MALRD1: variants seen among roughly 807,000 people sequenced by gnomAD.
MALRD1 encodes MAM and LDL receptor class A domain containing 1.
MALRD1 carries 247 observed loss-of-function variants against 242.1 expected under a neutral mutation model. The ratio of observed to expected loss-of-function variants is 1.02; its 90% confidence interval spans 0.92 to 1.13. The LOEUF is 1.13. Among genes scored for constraint, MALRD1 ranks in the 50% most tolerant of loss-of-function variants. The pLI, the probability that MALRD1 is intolerant of heterozygous loss-of-function variation, is 0.00. For missense variants in MALRD1, 2,989 were observed against 2,533.1 expected (o/e 1.18, Z -3.86); for synonymous variants, 995 against 866.6 (o/e 1.15, Z -2.60).
At chr10:19,198,440 C>T (rs1410492289) in intron 14 of MALRD1, among the ~76,000 whole-genome samples, 1 of 152,172 alleles carries the variant, frequency 6.6e-6, no homozygotes, top group African/African-American at 2.4e-5. Context: ...TTATGATGGG[C>T]TGCAAATAAA....
At chr10:19,273,925 A>C (rs1412964965) in intron 19 of MALRD1, among the ~76,000 whole-genome samples, 2 of 152,200 alleles carry the variant, frequency 1.3e-5, no homozygotes, top group East Asian at 1.9e-4. Context: ...TCAAAACCAC[A>C]ATGAGACATC....
intron 36 of MALRD1, among the ~76,000 whole-genome samples, chr10:19,634,420 CTT>C (rs1840037907): frequency 6.6e-6 from 1 of 152,024 alleles, no homozygotes; most frequent in African/African-American, 2.4e-5. Context: ...ATTTTTGTGA[CTT>C]AGAGTGCCCA....
chr10:19,153,749 C>T (rs895112509), intron 11 of MALRD1, among the ~76,000 whole-genome samples: 1 of 151,422 alleles, frequency 6.6e-6, no homozygotes, highest in East Asian at 1.9e-4. Flanking sequence ...GTACATATCT[C>T]GCTAGATTTT....
At chr10:19,595,533 A>T in intron 34 of MALRD1, 76 bp downstream of exon 34, 1 of 1,439,842 alleles carries the variant, frequency 6.9e-7, no homozygotes, top group Non-Finnish European at 9.3e-7. Flanking sequence ...TCGACAGATA[A>T]AATGAAGTTC....
intron 36 of MALRD1, among the ~76,000 whole-genome samples, chr10:19,675,132 T>C (rs1449230789): frequency 1.3e-5 from 2 of 152,182 alleles, no homozygotes; most frequent in South Asian, 2.1e-4. Flanking sequence ...TGAAATGTGC[T>C]TCCTTCCTAC....
At chr10:19,352,342 A>G in intron 26 of MALRD1, 45 bp downstream of exon 26, 1 of 1,497,912 alleles carries the variant, frequency 6.7e-7, no homozygotes, top group Non-Finnish European at 9.0e-7. Flanking sequence ...TGCATGGTGA[A>G]AGGTGAAAAG....
chr10:19,377,414 G>A (rs1486087554), intron 26 of MALRD1, among the ~76,000 whole-genome samples: 1 of 152,054 alleles, frequency 6.6e-6, no homozygotes, highest in Non-Finnish European at 1.5e-5. Flanking sequence ...TATTGAGAAT[G>A]GATTCTGGAA....
chr10:19,505,439 G>A (rs1053248802), intron 31 of MALRD1, among the ~76,000 whole-genome samples: 3 of 152,116 alleles, frequency 2.0e-5, no homozygotes, highest in African/African-American at 7.2e-5. Context: ...AAGTACAGAG[G>A]AAAGGCCACG....
chr10:19,387,573 A>G lies in MALRD1; in HGVS notation c.4487A>G (p.Tyr1496Cys), dbSNP rs1161384399. ...AGGGAATGTCATAATGGAAAATGCT[A>G]TAGGCTGGAACAAAGCTGTAACTTC... The part of the protein sequence containing the change: ...GYRECHNGKC[Y>C]RLEQSCNFVD... Residue 1496 changes from tyrosine (Y) to cysteine (C), a missense_variant, in exon 27 of 40, where the codon TAT (tyrosine) becomes TGT (cysteine). Coordinates refer to ENST00000454679, the MANE Select transcript of MALRD1 (RefSeq NM_001142308.3). 5.2e-6 allele frequency: 8 copies of G among 1,550,336 alleles called. No individual in the cohort carries two copies. Among genetic ancestry groups the G allele is most frequent in the African/African-American group, 2.7e-5 (2 of 73,016 alleles).
chr10:19,148,788 A>AAAAAAATAT (rs1206724666), intron 11 of MALRD1, among the ~76,000 whole-genome samples: 5 of 88,034 alleles, frequency 5.7e-5, no homozygotes, highest in Non-Finnish European at 1.2e-4. Flanking sequence ...AAAAAAAAAA[A>AAAAAAATAT]ATATATATAT....
chr10:19,172,532 GGTAAA>G (rs1009380066), intron 13 of MALRD1, among the ~76,000 whole-genome samples: 3 of 151,494 alleles, frequency 2.0e-5, no homozygotes, highest in Non-Finnish European at 4.4e-5. Flanking sequence ...GGTCCCTTCA[GGTAAA>G]GTAATGTAAC....
At chr10:19,522,632 G>A (rs1178448085) in intron 31 of MALRD1, among the ~76,000 whole-genome samples, 1 of 152,060 alleles carries the variant, frequency 6.6e-6, no homozygotes, top group Non-Finnish European at 1.5e-5. Context: ...GTTGAACTAA[G>A]TAGCATTTAT....
intron 29 of MALRD1, among the ~76,000 whole-genome samples, chr10:19,468,421 A>G (rs1017106301): frequency 4.6e-5 from 7 of 152,208 alleles, no homozygotes; most frequent in African/African-American, 1.7e-4. Context: ...GAACATACTT[A>G]GAAATTAATA....
At position 19,707,858 on chromosome 10, in the gene MALRD1, G is replaced by A. The variant is rs1387133257; in HGVS notation, c.6314+15304G>A. ...GCATGCACCAGCTACTTGGGGGCCT[G>A]AGGCAGGAGAATCGCTTGAACCCAG... On this transcript the variant is annotated intron_variant, in intron 38 of 39. Transcript: ENST00000454679. Among the ~76,000 whole-genome samples the A allele has an allele frequency of 3.3e-5, 4 of 120,258 alleles. 1 individual carries two copies. The highest frequency in any genetic ancestry group is 5.3e-5 in the African/African-American group (2 of 37,920). The allele number at this position is 120,258 out of a possible 152,430, so 78.9% of individuals were successfully genotyped here.
At chr10:19,132,924 A>G (rs1023822130) in intron 8 of MALRD1, among the ~76,000 whole-genome samples, 2 of 151,916 alleles carry the variant, frequency 1.3e-5, no homozygotes, top group Non-Finnish European at 2.9e-5. Context: ...TGAGTACCTT[A>G]TAGACTTTTT....
chr10:19,115,071 G>C (rs1836822218), intron 5 of MALRD1, among the ~76,000 whole-genome samples: 1 of 152,138 alleles, frequency 6.6e-6, no homozygotes, highest in African/African-American at 2.4e-5. Flanking sequence ...AATTTTGGGA[G>C]GCATGATTTA....
chr10:19,490,509 G>GGAT (rs1554783748), intron 29 of MALRD1, among the ~76,000 whole-genome samples: 1 of 74,178 alleles, frequency 1.3e-5, no homozygotes, highest in African/African-American at 6.3e-5. Flanking sequence ...AGTGGGGCGG[G>GGAT]GGGGGGGCAG....
At chr10:19,428,621 G>A (rs183847750) in intron 28 of MALRD1, among the ~76,000 whole-genome samples, 3 of 151,820 alleles carry the variant, frequency 2.0e-5, no homozygotes, top group Admixed American at 6.6e-5. Flanking sequence ...ACAACCTTAT[G>A]GTTTAGGTGC....
chr10:19,571,179 C>A (rs763799966), intron 33 of MALRD1, among the ~76,000 whole-genome samples: 2 of 152,052 alleles, frequency 1.3e-5, no homozygotes, highest in Non-Finnish European at 2.9e-5. Context: ...GAACATCAGG[C>A]AGAATAAACA....
Sources: allele counts gnomAD v4.1 joint callset (sites outside exome capture counted in the v4.1 genomes callset), GRCh38; gene constraint gnomAD v4.1.1; transcripts MANE v1.5; gene names NCBI Gene and HGNC (gene_info 2026-07-23, HGNC 2026-07-21).